Variants in AGMO observed in about 807,000 individuals in gnomAD.
AGMO encodes glyceryl-ether monooxygenase.
AGMO carries 75 observed loss-of-function variants against 60.2 expected under a neutral mutation model. That is an observed-to-expected ratio of 1.25 (90% CI 1.03 to 1.51). The LOEUF is 1.51. AGMO is among the 40% of genes most tolerant of loss of function. AGMO has a pLI of 0.00. For synonymous variants in AGMO, 261 were observed against 177.1 expected (o/e 1.47, Z -3.76); for missense variants, 763 against 525.5 (o/e 1.45, Z -4.42).
chr7:15,321,342 T>C (rs1384420010), intron 12 of AGMO, among the ~76,000 whole-genome samples: 9 of 152,184 alleles, frequency 5.9e-5, no homozygotes, highest in African/African-American at 1.9e-4. Context: ...CTCTAAAATA[T>C]ATCTAATTCC....
chr7:15,471,813 T>C (rs1782456333), intron 3 of AGMO, among the ~76,000 whole-genome samples: 1 of 151,858 alleles, frequency 6.6e-6, no homozygotes, highest in African/African-American at 2.4e-5. Flanking sequence ...AGCTCTTATG[T>C]AAAGCCAAGA....
chr7:15,401,256 A>C (rs796421752), intron 5 of AGMO, among the ~76,000 whole-genome samples: 18 of 152,288 alleles, frequency 1.2e-4, no homozygotes, highest in African/African-American at 4.3e-4. Flanking sequence ...GTCCTGTCTG[A>C]AATTATTTTA....
At position 15,342,227 on chromosome 7, in the gene AGMO, G is replaced by C. The variant is rs1781878808; in HGVS notation, c.1263+23287C>G. On this transcript the variant is annotated intron_variant, in intron 12 of 12. Transcript: ENST00000342526. ...AAGTCCTGAAGCACTAAGAGACTTAGAGATTGGGAAGAAAAGAAGTCTCTA... is the reference window on the plus strand; with the variant it reads ...AAGTCCTGAAGCACTAAGAGACTTACAGATTGGGAAGAAAAGAAGTCTCTA... 5.2e-5 allele frequency among the ~76,000 whole-genome samples: 7 copies of C among 134,264 alleles called. No homozygotes were observed. In the South Asian group the frequency reaches 1.8e-3, roughly 34 times the overall value. The allele number at this position is 134,264 out of a possible 152,430, so 88.1% of individuals were successfully genotyped here.
At chr7:15,256,643 C>G (rs569289448) in intron 12 of AGMO, among the ~76,000 whole-genome samples, 4 of 152,286 alleles carry the variant, frequency 2.6e-5, no homozygotes, top group Non-Finnish European at 4.4e-5. Flanking sequence ...ATCGCAGGCG[C>G]AAGCCACTGC....
chr7:15,328,665 A>C (rs1253624178), intron 12 of AGMO, among the ~76,000 whole-genome samples: 7 of 152,168 alleles, frequency 4.6e-5, no homozygotes, highest in Non-Finnish European at 7.4e-5. Flanking sequence ...TTTATTTCAA[A>C]GTAGTCAAAC....
In AGMO at chr7:15,439,199, C is replaced by T. The variant is rs144767244; in HGVS notation, c.410-8091G>A. On this transcript the variant is annotated intron_variant, in intron 3 of 12. Transcript: ENST00000342526. Reference sequence around the variant, plus strand: ...ATATCACGAAGTCAAGAGATCAAGACCATCCCGGCCAACATGGTGAAACCC... The same window carrying T: ...ATATCACGAAGTCAAGAGATCAAGATCATCCCGGCCAACATGGTGAAACCC... Among the ~76,000 whole-genome samples the T allele has an allele frequency of 8.8e-3, 1,345 of 152,250 alleles. 26 individuals are homozygous for T. The highest frequency in any genetic ancestry group is 0.03 in the African/African-American group (1,261 of 41,552).
At chr7:15,370,138 A>T (rs1234476347) in intron 10 of AGMO, among the ~76,000 whole-genome samples, 2 of 152,102 alleles carry the variant, frequency 1.3e-5, no homozygotes, top group Non-Finnish European at 1.5e-5. Flanking sequence ...TCCATTTATA[A>T]GTAAGAACTT....
At chr7:15,458,266 C>A (rs188108137) in intron 3 of AGMO, among the ~76,000 whole-genome samples, 2 of 152,172 alleles carry the variant, frequency 1.3e-5, no homozygotes, top group East Asian at 3.9e-4. Flanking sequence ...TGTCTTGTAG[C>A]AAAAATCGGC....
At chr7:15,308,221 T>C (rs188854356) in intron 12 of AGMO, among the ~76,000 whole-genome samples, 1 of 152,130 alleles carries the variant, frequency 6.6e-6, no homozygotes, top group Non-Finnish European at 1.5e-5. Context: ...ATCAGACTTT[T>C]ACCCCTCACA....
intron 3 of AGMO, among the ~76,000 whole-genome samples, chr7:15,521,701 A>G (rs541955397): frequency 1.3e-5 from 2 of 152,320 alleles, no homozygotes; most frequent in African/African-American, 4.8e-5. Flanking sequence ...CGTATCCCAA[A>G]GTAATAAGAG....
chr7:15,250,821 T>C (rs554426694), intron 12 of AGMO, among the ~76,000 whole-genome samples: 244 of 152,030 alleles, frequency 1.6e-3, no homozygotes, highest in African/African-American at 5.7e-3. Context: ...GGCAGGTGCC[T>C]GTAATCCCAG....
chr7:15,278,030 C>A (rs1344697949), intron 12 of AGMO, among the ~76,000 whole-genome samples: 3 of 152,134 alleles, frequency 2.0e-5, no homozygotes, highest in African/African-American at 7.2e-5. Flanking sequence ...CCCTATCATA[C>A]CCCTGGTCCC....
chr7:15,422,421 C>A (rs967469427), intron 4 of AGMO, among the ~76,000 whole-genome samples: 4 of 151,742 alleles, frequency 2.6e-5, no homozygotes, highest in Admixed American at 1.3e-4. Flanking sequence ...ATGTCACCAA[C>A]CTAAGGATTA....
intron 12 of AGMO, among the ~76,000 whole-genome samples, chr7:15,243,391 T>TG (rs904858920): frequency 2.6e-5 from 4 of 151,794 alleles, no homozygotes; most frequent in Non-Finnish European, 5.9e-5. Flanking sequence ...ATGAGCTAGA[T>TG]GTTTTTTTTT....
chr7:15,411,673 G>C (rs1177386769), intron 5 of AGMO, among the ~76,000 whole-genome samples: 2 of 151,846 alleles, frequency 1.3e-5, no homozygotes, highest in African/African-American at 2.4e-5. Flanking sequence ...TATGTGCCAA[G>C]TAGATTAATA....
chr7:15,207,812 T>C (rs1406154349), intron 12 of AGMO, among the ~76,000 whole-genome samples: 1 of 152,150 alleles, frequency 6.6e-6, no homozygotes, highest in Non-Finnish European at 1.5e-5. Context: ...CGGGCACCTG[T>C]AGTCCCAGCT....
At chr7:15,452,541 T>C (rs188902716) in intron 3 of AGMO, among the ~76,000 whole-genome samples, 4 of 152,266 alleles carry the variant, frequency 2.6e-5, no homozygotes, top group Admixed American at 2.6e-4. Flanking sequence ...TACATACCAC[T>C]TTGCATCTAT....
intron 12 of AGMO, among the ~76,000 whole-genome samples, chr7:15,342,172 T>TAAA (rs775057626): frequency 0.023 from 1,253 of 54,260 alleles, 69 homozygotes; most frequent in Middle Eastern, 0.04. Flanking sequence ...CCCACAGAGT[T>TAAA]AAAAAAAAAA....
chr7:15,413,117 T>G (rs1166265509), intron 5 of AGMO, among the ~76,000 whole-genome samples: 1 of 152,116 alleles, frequency 6.6e-6, no homozygotes, highest in Non-Finnish European at 1.5e-5. Context: ...TCACAGTAAG[T>G]GAAAGAGCCT....
Sources: gnomAD v4.1 joint callset for allele counts (sites outside exome capture counted in the v4.1 genomes callset) on GRCh38, gnomAD v4.1.1 for gene constraint, MANE v1.5 for transcripts, NCBI Gene and HGNC (gene_info 2026-07-23, HGNC 2026-07-21) for gene names.